GSE1: variants seen among roughly 807,000 people sequenced by gnomAD.
GSE1 encodes the protein genetic suppressor element 1.
In GSE1, 32 loss-of-function variants were observed where a neutral mutation model predicts 112.6. The observed-to-expected ratio is 0.28, with a 90% CI of 0.21 to 0.38. The LOEUF (loss-of-function observed/expected upper bound fraction) is 0.38. Among genes scored for constraint, GSE1 ranks in the 10% least tolerant of loss-of-function variants. GSE1 has a pLI of 1.00. For synonymous variants in GSE1, 1,115 were observed against 735.6 expected (o/e 1.52, Z -8.35); for missense variants, 2,348 against 1,699.2 (o/e 1.38, Z -6.71).
At chr16:85,339,780 A>G (rs1330111830) in intron 1 of GSE1, among the ~76,000 whole-genome samples, 1 of 152,068 alleles carries the variant, frequency 6.6e-6, no homozygotes, top group Non-Finnish European at 1.5e-5. Context: ...CGGCGTCTGC[A>G]TTTTCATTTT....
chr16:85,354,250 A>G (rs1278510232), intron 1 of GSE1, among the ~76,000 whole-genome samples: 3 of 152,156 alleles, frequency 2.0e-5, no homozygotes, highest in African/African-American at 7.2e-5. Flanking sequence ...TTGCTTTGTA[A>G]GCTGTCTGAA....
At chr16:85,636,850 G>C (rs1287682680) in intron 2 of GSE1, among the ~76,000 whole-genome samples, 3 of 152,194 alleles carry the variant, frequency 2.0e-5, no homozygotes, top group African/African-American at 7.2e-5. Context: ...TCAGCACGCT[G>C]ACCCTGCCTC....
At chr16:85,600,608 A>C (rs1311151769) in intron 1 of GSE1, among the ~76,000 whole-genome samples, 7 of 151,536 alleles carry the variant, frequency 4.6e-5, no homozygotes, top group South Asian at 2.1e-4. Flanking sequence ...ACACACACAC[A>C]CACCCCAAAA....
At chr16:85,657,703 C>A in intron 8 of GSE1, 99 bp downstream of exon 8, 1 of 749,368 alleles carries the variant, frequency 1.3e-6, no homozygotes, top group Non-Finnish European at 2.0e-6. Context: ...CCTGCCCCAG[C>A]GTTTCTGCCT....
chr16:85,474,448 A>T (rs1442655503), intron 2 of GSE1, among the ~76,000 whole-genome samples: 1 of 152,018 alleles, frequency 6.6e-6, no homozygotes, highest in Non-Finnish European at 1.5e-5. Context: ...GGCAGTGGGG[A>T]TGCCAGAGGG....
intron 1 of GSE1, among the ~76,000 whole-genome samples, chr16:85,327,602 C>CA (rs1383828452): frequency 6.6e-6 from 1 of 151,980 alleles, no homozygotes; most frequent in African/African-American, 2.4e-5. Flanking sequence ...GACTCTGTCT[C>CA]AGAAAAACAA....
Position 85,354,948 on chromosome 16 carries a change from G to T in GSE1, c.2284-2515G>T, listed in dbSNP as rs565781311. On this transcript the variant is annotated intron_variant, in intron 1 of 2. Transcript: ENST00000637419. ...TGCCGTCCTGATGGGCTTACCCTGG[G>T]CCCTGAGTGAGTGGATGAATGAATC... Among the ~76,000 whole-genome samples, 3 of 152,334 alleles carry T rather than the reference G, an allele frequency of 2.0e-5. No homozygotes were observed. The East Asian group carries it at 5.8e-4, about 29-fold the overall frequency.
intron 1 of GSE1, among the ~76,000 whole-genome samples, chr16:85,616,367 C>T (rs2048371936): frequency 6.6e-6 from 1 of 152,246 alleles, no homozygotes; most frequent in Admixed American, 6.5e-5. Flanking sequence ...TTTTCCCTGC[C>T]TCCAGGAGCT....
In GSE1 at chr16:85,505,580, C is replaced by T. The variant is rs193162252; in HGVS notation, c.2465-128334C>T. The stretch of plus-strand genomic sequence containing the variant: ...CACCTGTGTGGGCATCAGTGTCCAT[C>T]GCTGTGAAATAGGACATTACAGGGT... On this transcript the variant is annotated intron_variant, in intron 2 of 2. Coordinates refer to the GSE1 transcript ENST00000637419. Among the ~76,000 whole-genome samples the T allele has an allele frequency of 4.4e-3, 673 of 152,310 alleles. 2 individuals are homozygous for T. Among genetic ancestry groups the T allele is most frequent in the Admixed American group, 6.8e-3 (104 of 15,300 alleles).
intron 1 of GSE1, among the ~76,000 whole-genome samples, chr16:85,618,540 T>C (rs1290610370): frequency 6.6e-6 from 1 of 152,220 alleles, no homozygotes; most frequent in African/African-American, 2.4e-5. Flanking sequence ...TTCTAATCTG[T>C]GGAATAGGAA....
rs748803903 is a variant in GSE1 at position 85,253,058 on chromosome 16, GC to G, written c.2283+81261del. Among the ~76,000 whole-genome samples the G allele has an allele frequency of 7.3e-3, 342 of 47,124 alleles. 1 individual carries two copies. The highest frequency in any genetic ancestry group is 9.9e-3 in the Non-Finnish European group (253 of 25,508). 30.9% of individuals were successfully genotyped at this position (47,124 alleles called of 152,430 possible). A position where few individuals can be genotyped will look rare whatever the true frequency, so the allele number is the denominator to read the frequency against. On this transcript the variant is annotated intron_variant, in intron 1 of 2. Coordinates refer to the GSE1 transcript ENST00000637419. ...GCGGCTCCAGCTCATAGGCGCCCCCGCCCCCCCCCCACCCCCCCCCCCCCAC... is the reference window on the plus strand; with the variant it reads ...GCGGCTCCAGCTCATAGGCGCCCCCGCCCCCCCCCACCCCCCCCCCCCCAC...
chr16:85,315,665 G>T (rs984074245), intron 1 of GSE1, among the ~76,000 whole-genome samples: 2 of 152,178 alleles, frequency 1.3e-5, no homozygotes, highest in Non-Finnish European at 2.9e-5. Flanking sequence ...AGAGGAGTAC[G>T]CACCGGTTCC....
chr16:85,632,737 A>T (rs1161168220), intron 1 of GSE1, among the ~76,000 whole-genome samples: 1 of 151,930 alleles, frequency 6.6e-6, no homozygotes, highest in African/African-American at 2.4e-5. Context: ...TGCCCCCCGG[A>T]TCTCTGTGAC....
At chr16:85,556,469 T>C (rs1045960760) in intron 1 of GSE1, 16 of 332,422 alleles carry the variant, frequency 4.8e-5, no homozygotes, top group Non-Finnish European at 6.4e-5. Flanking sequence ...GGTCGGGGCA[T>C]TGGGTCCGCC....
At position 85,657,572 on chromosome 16, in the gene GSE1, G is replaced by T; in HGVS notation, c.1608G>T (p.Ala536=). The change falls in exon 8 of 16, where the codon GCG becomes GCT. Residue 536 remains alanine, a synonymous_variant. Transcript: ENST00000253458. ...ATATGGGCCGGCCCCCGGTGCCGGC[G>T]GAGGCAGAGCACAGGCCGGAGAGCA... ...HLDMGRPPVP[A]EAEHRPESTT... The T allele has an allele frequency of 1.3e-6, 2 of 1,568,660 alleles. No individual in the cohort carries two copies.
intron 1 of GSE1, among the ~76,000 whole-genome samples, chr16:85,172,411 G>T (rs2074375484): frequency 6.6e-6 from 1 of 152,362 alleles, no homozygotes; most frequent in East Asian, 1.9e-4. Flanking sequence ...TCCCCCAGCG[G>T]GAAGAGAGTC....
intron 2 of GSE1, among the ~76,000 whole-genome samples, chr16:85,453,958 C>T (rs1445010305): frequency 6.6e-6 from 1 of 152,132 alleles, no homozygotes; most frequent in Non-Finnish European, 1.5e-5. Flanking sequence ...TTGGGTGAAG[C>T]TGCCAGCCAG....
chr16:85,277,031 C>T (rs182868004), intron 1 of GSE1, among the ~76,000 whole-genome samples: 1 of 152,098 alleles, frequency 6.6e-6, no homozygotes, highest in Non-Finnish European at 1.5e-5. Context: ...ATGAGAGGAT[C>T]GGATGGCATC....
Position 85,335,100 on chromosome 16 carries a change from C to T in GSE1, c.2284-22363C>T, listed in dbSNP as rs59764687. 1.3e-3 allele frequency among the ~76,000 whole-genome samples: 194 copies of T among 152,328 alleles called. 1 individual carries two copies. The highest frequency in any genetic ancestry group is 4.1e-3 in the African/African-American group (172 of 41,560). On this transcript the variant is annotated intron_variant, in intron 1 of 2. Transcript: ENST00000637419. ...CCGTGCGGTGGGACTCCCGTGCCTG[C>T]GCATGTAATTAAACATGGTTTTTCT... is the stretch of plus-strand genomic sequence containing the variant.
Sources: gnomAD v4.1 joint callset for allele counts (sites outside exome capture counted in the v4.1 genomes callset) on GRCh38, gnomAD v4.1.1 for gene constraint, MANE v1.5 for transcripts, NCBI Gene and HGNC (gene_info 2026-07-23, HGNC 2026-07-21) for gene names.